ITGA8: variants seen among roughly 807,000 people sequenced by gnomAD.
ITGA8 encodes integrin alpha-8.
A neutral mutation model predicts 142.3 loss-of-function variants in ITGA8; 91 were observed. The observed-to-expected ratio is 0.64, with a 90% CI of 0.54 to 0.76. ITGA8 has a LOEUF of 0.76. ITGA8 is among the 30% of genes least tolerant of loss of function. The pLI, the probability that ITGA8 is intolerant of heterozygous loss-of-function variation, is 0.00. For missense variants in ITGA8, 1,406 were observed against 1,327.7 expected (o/e 1.06, Z -0.92); for synonymous variants, 505 against 485.2 (o/e 1.04, Z -0.54).
In ITGA8 at chr10:15,514,883, C is replaced by G. The variant is rs1283045308; in HGVS notation, c.*2275G>C. ...GCAGTTCACTTTGGAGCCCTCATGC[C>G]TTGCTTCATTCTGGGTCTCAGTCTT... On this transcript the variant is annotated 3_prime_UTR_variant, in exon 30 of 30. Coordinates refer to ENST00000378076, the MANE Select transcript of ITGA8 (RefSeq NM_003638.3). The G allele has an allele frequency of 1.3e-5, 2 of 152,328 alleles. No individual in the cohort carries two copies. The highest frequency in any genetic ancestry group is 4.8e-5 in the African/African-American group (2 of 41,452). The allele number at this position is 152,328 out of a possible 1,614,324, so 9.4% of individuals were successfully genotyped here.
At chr10:15,663,099 C>A (rs991000561) in intron 8 of ITGA8, among the ~76,000 whole-genome samples, 5 of 151,476 alleles carry the variant, frequency 3.3e-5, no homozygotes, top group Admixed American at 6.6e-5. Flanking sequence ...ATATTAAGAA[C>A]CCATCATCTA....
At chr10:15,699,385 T>A (rs959400692) in intron 2 of ITGA8, among the ~76,000 whole-genome samples, 2 of 152,162 alleles carry the variant, frequency 1.3e-5, no homozygotes, top group Admixed American at 6.5e-5. Context: ...TGAGAAATAT[T>A]CATGAATAGA....
At chr10:15,535,369 G>T (rs11259731) in intron 27 of ITGA8, among the ~76,000 whole-genome samples, 1 of 152,234 alleles carries the variant, frequency 6.6e-6, no homozygotes, top group African/African-American at 2.4e-5. Context: ...GCGCCGGTGC[G>T]GGATCCACTA....
At chr10:15,675,363 G>C (rs1834607762) in intron 6 of ITGA8, among the ~76,000 whole-genome samples, 1 of 152,088 alleles carries the variant, frequency 6.6e-6, no homozygotes. Context: ...TTCAGTAGCA[G>C]GCGTCAGAAA....
At chr10:15,584,517 C>T (rs1462192170) in intron 23 of ITGA8, among the ~76,000 whole-genome samples, 1 of 152,112 alleles carries the variant, frequency 6.6e-6, no homozygotes, top group Admixed American at 6.6e-5. Context: ...TGTGGGATAA[C>T]AGAAACTTCA....
chr10:15,663,045 T>G (rs969316495), intron 8 of ITGA8, among the ~76,000 whole-genome samples: 1 of 152,212 alleles, frequency 6.6e-6, no homozygotes, highest in Non-Finnish European at 1.5e-5. Flanking sequence ...GGGGTTCCGA[T>G]CCAGTGAGGC....
chr10:15,517,320 CTTT>C (rs1832982710), intron 29 of ITGA8, 76 bp from the exon 30 acceptor site: 2 of 988,526 alleles, frequency 2.0e-6, no homozygotes, highest in African/African-American at 3.3e-5. Context: ...AGAATTTTCA[CTTT>C]ATGTATTTTT....
intron 16 of ITGA8, 42 bp from the exon 17 acceptor site, chr10:15,607,873 C>A (rs1325618936): frequency 1.3e-6 from 2 of 1,519,932 alleles, no homozygotes; most frequent in African/African-American, 2.7e-5. Context: ...ATTCAGTGAA[C>A]ACAGTGCTCT....
chr10:15,647,050 G>C lies in ITGA8; in HGVS notation c.1003C>G (p.Leu335Val). Reference protein sequence around the residue: ...VVVSDVNSDGLDDVLVGAPLF... With the variant: ...VVVSDVNSDGVDDVLVGAPLF... ...GGTGCCCCAACCAGGACATCATCCA[G>C]TCTGTAAGGAACAAAGAAAGCAGCT... is the stretch of plus-strand genomic sequence containing the variant. Residue 335 changes from leucine to valine, a missense_variant and splice_region_variant, in exon 12 of 30, where the codon CTG (leucine) becomes GTG (valine). Leu to Val is a conservative substitution (Grantham distance 32, BLOSUM62 1). Transcript: ENST00000378076. The C allele has an allele frequency of 6.2e-7, 1 of 1,612,454 alleles. No homozygotes were observed. The highest frequency in any genetic ancestry group is 8.5e-7 in the Non-Finnish European group (1 of 1,179,456).
chr10:15,664,975 T>A (rs974429953), intron 8 of ITGA8, among the ~76,000 whole-genome samples: 1 of 152,196 alleles, frequency 6.6e-6, no homozygotes, highest in Non-Finnish European at 1.5e-5. Context: ...GCAATAAACA[T>A]AGGTGTGCAT....
At chr10:15,528,876 C>T (rs1359580199) in intron 28 of ITGA8, among the ~76,000 whole-genome samples, 6 of 152,170 alleles carry the variant, frequency 3.9e-5, no homozygotes, top group Non-Finnish European at 7.4e-5. Context: ...AAAGATGTGG[C>T]TGTGCTTGCT....
At chr10:15,679,487 C>A (rs1834695825) in intron 4 of ITGA8, among the ~76,000 whole-genome samples, 1 of 152,182 alleles carries the variant, frequency 6.6e-6, no homozygotes, top group African/African-American at 2.4e-5. Flanking sequence ...GAGGCTGAGG[C>A]AGGAGAATCT....
At chr10:15,697,519 G>C (rs1835079433) in intron 2 of ITGA8, among the ~76,000 whole-genome samples, 1 of 152,156 alleles carries the variant, frequency 6.6e-6, no homozygotes, top group African/African-American at 2.4e-5. Context: ...CAGGGCTGTG[G>C]TCTACAGTGC....
chr10:15,517,603 C>A (rs191476186), intron 29 of ITGA8, among the ~76,000 whole-genome samples: 1 of 152,232 alleles, frequency 6.6e-6, no homozygotes, highest in Non-Finnish European at 1.5e-5. Flanking sequence ...GGATTACAGG[C>A]GTGAGCCACC....
intron 13 of ITGA8, among the ~76,000 whole-genome samples, chr10:15,638,246 G>C (rs1022417492): frequency 1.3e-5 from 2 of 152,054 alleles, no homozygotes; most frequent in Non-Finnish European, 2.9e-5. Context: ...TTGAGGTGCC[G>C]TGTTAATTTA....
chr10:15,672,018 C>G (rs1030547157), intron 7 of ITGA8, among the ~76,000 whole-genome samples: 1 of 152,042 alleles, frequency 6.6e-6, no homozygotes, highest in Admixed American at 6.6e-5. Context: ...ACAGAATACT[C>G]TGAAAGATTT....
chr10:15,567,379 C>G (rs1588648948), intron 25 of ITGA8, among the ~76,000 whole-genome samples: 1 of 152,094 alleles, frequency 6.6e-6, no homozygotes, highest in South Asian at 2.1e-4. Flanking sequence ...CTTCACTCAA[C>G]TCTAAAATTT....
At chr10:15,688,060 G>A (rs753361208) in intron 2 of ITGA8, 22 bp from the exon 3 acceptor site, 1 of 1,510,200 alleles carries the variant, frequency 6.6e-7, no homozygotes, top group South Asian at 1.1e-5. Context: ...GATAGGAAGA[G>A]TTAATAATTT....
At chr10:15,699,945 C>A (rs1482256053) in intron 2 of ITGA8, among the ~76,000 whole-genome samples, 1 of 152,172 alleles carries the variant, frequency 6.6e-6, no homozygotes, top group Non-Finnish European at 1.5e-5. Flanking sequence ...GTGGACCATT[C>A]ACTTTTTTCT....
Sources: gnomAD v4.1 joint callset for allele counts (sites outside exome capture counted in the v4.1 genomes callset) on GRCh38, gnomAD v4.1.1 for gene constraint, MANE v1.5 for transcripts, NCBI Gene and HGNC (gene_info 2026-07-23, HGNC 2026-07-21) for gene names.